N4BP1: variants seen among roughly 807,000 people sequenced by gnomAD.
The protein encoded by N4BP1 is NEDD4 binding protein 1.
A neutral mutation model predicts 70.9 loss-of-function variants in N4BP1; 21 were observed. The observed-to-expected ratio is 0.30, with a 90% CI of 0.21 to 0.43. N4BP1 has a LOEUF of 0.43. N4BP1 is among the 20% of genes least tolerant of loss of function. The pLI is 1.00. For missense variants in N4BP1, 936 were observed against 1,069.4 expected (o/e 0.88, Z 1.74); for synonymous variants, 387 against 394.6 (o/e 0.98, Z 0.23).
intron 2 of N4BP1, among the ~76,000 whole-genome samples, chr16:48,556,831 GA>G (rs751393837): frequency 2.3e-4 from 34 of 150,558 alleles, no homozygotes; most frequent in Non-Finnish European, 3.8e-4. Context: ...GACTAGTATG[GA>G]AAAAAAAATG....
In N4BP1 at chr16:48,542,885, TC is replaced by T; in HGVS notation, c.*18del. The T allele has an allele frequency of 6.3e-7, 1 of 1,576,772 alleles. No individual in the cohort carries two copies. The highest frequency in any genetic ancestry group is 1.7e-5 in the Admixed American group (1 of 58,892). On this transcript the variant is annotated 3_prime_UTR_variant, in exon 7 of 7. Coordinates refer to ENST00000262384, the MANE Select transcript of N4BP1 (RefSeq NM_153029.4). ...TGATCAGCCAGCCCTGAGCGCAAGCTCAGCGCTCAGCACAATCTTCAATCCA... is the reference window on the plus strand; with the variant it reads ...TGATCAGCCAGCCCTGAGCGCAAGCTAGCGCTCAGCACAATCTTCAATCCA...
At chr16:48,573,219 A>G (rs1322804069) in intron 1 of N4BP1, among the ~76,000 whole-genome samples, 1 of 152,204 alleles carries the variant, frequency 6.6e-6, no homozygotes, top group Non-Finnish European at 1.5e-5. Context: ...ACTAAAAAAC[A>G]TAACTATATT....
chr16:48,609,125 G>A (rs1483058855), intron 1 of N4BP1, among the ~76,000 whole-genome samples: 1 of 151,974 alleles, frequency 6.6e-6, no homozygotes, highest in Non-Finnish European at 1.5e-5. Flanking sequence ...TGAGGTGGGA[G>A]GATCACTTGA....
At chr16:48,593,285 G>A (rs1964361889) in intron 1 of N4BP1, among the ~76,000 whole-genome samples, 1 of 152,202 alleles carries the variant, frequency 6.6e-6, no homozygotes, top group Non-Finnish European at 1.5e-5. Flanking sequence ...GAAAGTAAAA[G>A]TTGCTAAGAG....
chr16:48,589,590 G>A (rs961128333), intron 1 of N4BP1, among the ~76,000 whole-genome samples: 1 of 152,100 alleles, frequency 6.6e-6, no homozygotes, highest in Non-Finnish European at 1.5e-5. Flanking sequence ...ACCAGTAAGT[G>A]TCTTGCCCAG....
Position 48,541,889 on chromosome 16 carries a change from T to C in N4BP1, c.*1015A>G, listed in dbSNP as rs1289663068. ...GGGATCCCCCCACAGAAGCTACTAATGCTATTTATTGGCTTGGGTCACTTT... is the reference window on the plus strand; with the variant it reads ...GGGATCCCCCCACAGAAGCTACTAACGCTATTTATTGGCTTGGGTCACTTT... On this transcript the variant is annotated 3_prime_UTR_variant, in exon 7 of 7. Coordinates refer to ENST00000262384, the MANE Select transcript of N4BP1 (RefSeq NM_153029.4). 2 of 152,684 alleles carry C rather than the reference T, an allele frequency of 1.3e-5. No homozygotes were observed. Among genetic ancestry groups the C allele is most frequent in the Non-Finnish European group, 2.9e-5 (2 of 68,050 alleles). The allele number at this position is 152,684 out of a possible 1,614,324, so 9.5% of individuals were successfully genotyped here. A position where few individuals can be genotyped will look rare whatever the true frequency, so the allele number is the denominator to read the frequency against.
chr16:48,567,917 T>A (rs1963965969), intron 1 of N4BP1, among the ~76,000 whole-genome samples: 1 of 152,054 alleles, frequency 6.6e-6, no homozygotes, highest in Non-Finnish European at 1.5e-5. Flanking sequence ...CTCCCTCTCA[T>A]CTCTTAAACT....
At chr16:48,565,073 G>A (rs532069741) in intron 1 of N4BP1, among the ~76,000 whole-genome samples, 2 of 152,290 alleles carry the variant, frequency 1.3e-5, no homozygotes, top group African/African-American at 4.8e-5. Context: ...CTGTGTGTAT[G>A]TGTAGTTTCC....
chr16:48,549,967 C>T (rs1963642645), intron 4 of N4BP1, among the ~76,000 whole-genome samples: 1 of 152,168 alleles, frequency 6.6e-6, no homozygotes, highest in Admixed American at 6.5e-5. Context: ...AAACAGCTAC[C>T]ACTAGGCTAC....
chr16:48,559,438 G>A (rs1367584280), intron 2 of N4BP1, among the ~76,000 whole-genome samples: 1 of 152,098 alleles, frequency 6.6e-6, no homozygotes, highest in Non-Finnish European at 1.5e-5. Context: ...TACTTAAAAT[G>A]CCAGACCTTG....
intron 1 of N4BP1, among the ~76,000 whole-genome samples, chr16:48,570,496 G>A (rs1964001211): frequency 1.3e-5 from 2 of 152,230 alleles, no homozygotes; most frequent in South Asian, 4.2e-4. Context: ...ACAGGCACGT[G>A]CCACCATGCC....
At chr16:48,578,168 G>T in intron 1 of N4BP1, 1 of 178,762 alleles carries the variant, frequency 5.6e-6, no homozygotes, top group South Asian at 1.3e-4. Context: ...TTTCCTCCAG[G>T]GACTTGATCT....
At chr16:48,588,679 G>T (rs1464814246) in intron 1 of N4BP1, among the ~76,000 whole-genome samples, 1 of 152,150 alleles carries the variant, frequency 6.6e-6, no homozygotes, top group African/African-American at 2.4e-5. Context: ...CTTCTGCAAT[G>T]ATGGAAATGT....
intron 2 of N4BP1, among the ~76,000 whole-genome samples, chr16:48,558,334 C>T (rs1963788217): frequency 6.7e-6 from 1 of 150,054 alleles, no homozygotes; most frequent in African/African-American, 2.5e-5. Context: ...AGAAAGCTTG[C>T]AGCTTTCCCT....
chr16:48,564,153 A>G (rs11076571), intron 1 of N4BP1, among the ~76,000 whole-genome samples: 54,806 of 151,918 alleles, frequency 0.36, 10,118 homozygotes, highest in African/African-American at 0.42. Context: ...TGGCTTGCAG[A>G]TATTTTCTCC....
At chr16:48,576,790 C>G (rs1964101264) in intron 1 of N4BP1, among the ~76,000 whole-genome samples, 1 of 152,154 alleles carries the variant, frequency 6.6e-6, no homozygotes, top group African/African-American at 2.4e-5. Flanking sequence ...TCTGTTTACC[C>G]ACTGCTGCCC....
At chr16:48,599,540 T>TG (rs1285760028) in intron 1 of N4BP1, among the ~76,000 whole-genome samples, 7 of 152,362 alleles carry the variant, frequency 4.6e-5, no homozygotes, top group Admixed American at 4.6e-4. Context: ...CCTGTACTCA[T>TG]TTCCTCCAAT....
At chr16:48,589,014 A>T (rs1964292053) in intron 1 of N4BP1, among the ~76,000 whole-genome samples, 2 of 152,138 alleles carry the variant, frequency 1.3e-5, no homozygotes, top group Non-Finnish European at 2.9e-5. Context: ...TGCTTGACAT[A>T]TTTACATTAA....
rs903888380 is a variant in N4BP1, at chr16:48,562,332, T to C, written c.311A>G (p.Gln104Arg). The C allele has an allele frequency of 1.2e-6, 2 of 1,613,728 alleles. No individual in the cohort carries two copies. The highest frequency in any genetic ancestry group is 2.7e-5 in the African/African-American group (2 of 74,928). ...AESLFLKSLI[Q>R]DTCADLCILD... ...AATGCAGAGGTCAGCACAAGTATCC[T>C]GAATCAAGCTTTTCAGAAACAGGCT... Residue 104 changes from glutamine (Q) to arginine (R), a missense_variant, in exon 2 of 7, where the codon CAG (glutamine) becomes CGG (arginine). Coordinates refer to ENST00000262384, the MANE Select transcript of N4BP1 (RefSeq NM_153029.4).
Sources: gnomAD v4.1 joint callset for allele counts (sites outside exome capture counted in the v4.1 genomes callset) on GRCh38, gnomAD v4.1.1 for gene constraint, MANE v1.5 for transcripts, NCBI Gene and HGNC (gene_info 2026-07-23, HGNC 2026-07-21) for gene names.